Variants in MFN2 observed in about 807,000 individuals in gnomAD.
MFN2 encodes mitofusin-2.
Under a neutral mutation model 87.5 loss-of-function variants are expected in MFN2, and 43 were observed. The ratio of observed to expected loss-of-function variants is 0.49; its 90% CI spans 0.38 to 0.63. The LOEUF is 0.63. Ranked by LOEUF, MFN2 falls within the 30% of genes least tolerant of loss-of-function variation. The pLI is 0.00. For missense variants in MFN2, 743 were observed against 972.8 expected (o/e 0.76, Z 3.14); for synonymous variants, 337 against 359.9 (o/e 0.94, Z 0.72).
At chr1:11,983,584 C>T (rs1638230446) in intron 2 of MFN2, among the ~76,000 whole-genome samples, 1 of 152,180 alleles carries the variant, frequency 6.6e-6, no homozygotes, top group African/African-American at 2.4e-5. Context: ...GCTATGCTTG[C>T]AGGATGGTCC....
intron 8 of MFN2, among the ~76,000 whole-genome samples, chr1:12,000,066 C>T (rs1270254029): frequency 6.7e-6 from 1 of 150,262 alleles, no homozygotes; most frequent in Non-Finnish European, 1.5e-5. Flanking sequence ...CACTGTACTC[C>T]AGCCTGGGCA....
Position 12,004,023 on chromosome 1 carries a change from C to G in MFN2, c.1192C>G (p.Gln398Glu). ...VYCEEMREER[Q>E]DRLKFIDKQL... ...CTGCGAGGAAATGCGTGAAGAGCGG[C>G]AAGACCGACTGAAATTTATTGACAA... Residue 398 changes from glutamine (Q) to glutamate (E), a missense_variant, in exon 12 of 19, where the codon CAA becomes GAA. Gln to Glu is a conservative substitution (Grantham distance 29). Coordinates refer to ENST00000235329, the MANE Select transcript of MFN2 (RefSeq NM_014874.4). The surrounding 1 kb of genome is among the most constrained non-coding windows in gnomAD (Gnocchi z 4.2). 6.2e-7 allele frequency: 1 copy of G among 1,614,214 alleles called. No individual in the cohort carries two copies. Among genetic ancestry groups the G allele is most frequent in the Non-Finnish European group, 8.5e-7 (1 of 1,180,044 alleles).
intron 2 of MFN2, among the ~76,000 whole-genome samples, chr1:11,988,172 G>A (rs948821931): frequency 5.9e-5 from 9 of 151,422 alleles, no homozygotes; most frequent in African/African-American, 2.2e-4. Flanking sequence ...GTGCGATCTC[G>A]GCTCACTGCA....
intron 9 of MFN2, 53 bp downstream of exon 9, chr1:12,001,607 C>CT (rs1639177347): frequency 6.2e-7 from 1 of 1,613,252 alleles, no homozygotes; most frequent in Non-Finnish European, 8.5e-7. Flanking sequence ...GACATTTTGT[C>CT]TCGTGCTGAG....
At chr1:11,990,340 A>G (rs2100805878) in intron 3 of MFN2, among the ~76,000 whole-genome samples, 1 of 152,334 alleles carries the variant, frequency 6.6e-6, no homozygotes, top group East Asian at 1.9e-4. Flanking sequence ...TGTTGAACTA[A>G]AACAAATCTG....
chr1:11,985,671 T>C (rs933376248), intron 2 of MFN2, among the ~76,000 whole-genome samples: 5 of 152,106 alleles, frequency 3.3e-5, no homozygotes, highest in African/African-American at 4.8e-5. Context: ...TTTCACCATG[T>C]TGGCTAGACT....
intron 2 of MFN2, among the ~76,000 whole-genome samples, chr1:11,983,180 C>T (rs1646017091): frequency 6.6e-6 from 1 of 152,186 alleles, no homozygotes. Flanking sequence ...TCACACTATC[C>T]TCCTGCCTCA....
At chr1:11,989,413 T>G (rs768667597) in intron 3 of MFN2, 70 bp downstream of exon 3, 10 of 1,553,006 alleles carry the variant, frequency 6.4e-6, no homozygotes, top group Non-Finnish European at 8.8e-6. Context: ...GATTTGCGGG[T>G]GGGGAGGTAT....
intron 17 of MFN2, among the ~76,000 whole-genome samples, chr1:12,007,778 T>C (rs112914443): frequency 0.016 from 2,508 of 152,270 alleles, 38 homozygotes; most frequent in African/African-American, 0.04. Context: ...TTCTTTCTTT[T>C]TTTTTTAATT....
intron 18 of MFN2, 63 bp from the exon 19 acceptor site, chr1:12,011,433 C>CG: frequency 6.5e-7 from 1 of 1,538,622 alleles, no homozygotes; most frequent in Middle Eastern, 1.7e-4. Context: ...TGGTGCCTGG[C>CG]GGGTAGTCCT....
Position 12,004,698 on chromosome 1 carries a change from C to A in MFN2, c.1392+85C>A. On this transcript the variant is annotated intron_variant, in intron 13 of 18. Transcript: ENST00000235329. The surrounding 1 kb of genome is among the most constrained non-coding windows in gnomAD (Gnocchi z 4.2). ...GTTGGTCTGGGTCAGGGCCCCCCAGCAGTGACAGTAGAAGCCACAGAGACA... is the reference window on the plus strand; with the variant it reads ...GTTGGTCTGGGTCAGGGCCCCCCAGAAGTGACAGTAGAAGCCACAGAGACA... 1 of 1,505,812 alleles carries A rather than the reference C, an allele frequency of 6.6e-7. No homozygotes were observed. The highest frequency in any genetic ancestry group is 9.2e-7 in the Non-Finnish European group (1 of 1,082,962). The allele number at this position is 1,505,812 out of a possible 1,614,324, so 93.3% of individuals were successfully genotyped here.
chr1:11,990,594 G>A (rs926892765), intron 3 of MFN2, among the ~76,000 whole-genome samples: 7 of 152,234 alleles, frequency 4.6e-5, no homozygotes, highest in African/African-American at 1.7e-4. Flanking sequence ...ATTTCTCTGT[G>A]TGTGAAAATA....
At chr1:12,008,880 G>A (rs895870521) in intron 17 of MFN2, among the ~76,000 whole-genome samples, 1 of 152,204 alleles carries the variant, frequency 6.6e-6, no homozygotes, top group Non-Finnish European at 1.5e-5. Context: ...AGGTTGTAGC[G>A]AGCTGAGATC....
intron 1 of MFN2, among the ~76,000 whole-genome samples, chr1:11,980,926 G>A (rs1223956040): frequency 6.6e-6 from 1 of 152,176 alleles, no homozygotes; most frequent in African/African-American, 2.4e-5. Flanking sequence ...GGCCCTGGAG[G>A]GCAGGACTGT....
intron 6 of MFN2, among the ~76,000 whole-genome samples, chr1:11,998,050 A>G (rs1476059858): frequency 6.6e-6 from 1 of 150,694 alleles, no homozygotes. Context: ...TGCCTGGCTA[A>G]ATTTTGTATT....
intron 6 of MFN2, among the ~76,000 whole-genome samples, chr1:11,998,093 A>T (rs753289339): frequency 6.6e-6 from 1 of 150,452 alleles, no homozygotes; most frequent in Non-Finnish European, 1.5e-5. Flanking sequence ...CATGTTGGCC[A>T]GGCTGGTCTT....
chr1:12,007,899 C>A (rs1255559344), intron 17 of MFN2, among the ~76,000 whole-genome samples: 2 of 152,042 alleles, frequency 1.3e-5, no homozygotes, highest in Non-Finnish European at 2.9e-5. Context: ...ACCCTGGGGC[C>A]TTCCGCAGTG....
intron 3 of MFN2, among the ~76,000 whole-genome samples, chr1:11,989,915 G>A (rs1157473398): frequency 6.6e-6 from 1 of 152,178 alleles, no homozygotes; most frequent in Non-Finnish European, 1.5e-5. Context: ...GGTTCCCAGG[G>A]CCCCGCTCGT....
At chr1:11,985,453 C>A (rs576211369) in intron 2 of MFN2, among the ~76,000 whole-genome samples, 3 of 141,786 alleles carry the variant, frequency 2.1e-5, no homozygotes, top group African/African-American at 8.3e-5. Context: ...CATCCTTGAT[C>A]CCTTTTTTTT....
Sources: gnomAD v4.1 joint callset for allele counts (sites outside exome capture counted in the v4.1 genomes callset) on GRCh38, gnomAD v4.1.1 for gene constraint, Gnocchi (gnomAD v3.1) non-coding constraint, MANE v1.5 for transcripts, NCBI Gene and HGNC (gene_info 2026-07-23, HGNC 2026-07-21) for gene names.